The following MAMLD1 variants were observed in gnomAD, a reference collection of about 807,000 sequenced individuals.
The protein encoded by MAMLD1 is mastermind-like domain-containing protein 1.
Under a neutral mutation model 45.0 loss-of-function variants are expected in MAMLD1, and 14 were observed. The observed-to-expected ratio is 0.31, with a 90% confidence interval of 0.21 to 0.49. MAMLD1 has a LOEUF of 0.49. MAMLD1 is among the 20% of genes least tolerant of loss of function. MAMLD1 has a pLI of 0.99. For missense variants in MAMLD1, 543 were observed against 603.6 expected, an observed-to-expected ratio of 0.90 and a Z score of 1.05; for synonymous variants, 254 against 247.8, an observed-to-expected ratio of 1.02 and a Z score of -0.24.
At chrX:150,388,295 G>T (rs782216603) in intron 1 of MAMLD1, among the ~76,000 whole-genome samples, 3 of 111,821 alleles carry the variant, frequency 2.7e-5, no homozygotes, top group African/African-American at 9.7e-5. Context: ...TTCATGAGGG[G>T]TTTTGGTCTG....
At chrX:150,493,992 T>C (rs782439786) in intron 5 of MAMLD1, among the ~76,000 whole-genome samples, 16 of 112,061 alleles carry the variant, frequency 1.4e-4, no homozygotes, top group Non-Finnish European at 2.3e-4. Context: ...TGTAGAAATA[T>C]ATGTTTCACA....
At chrX:150,406,281 A>G (rs1226905280) in intron 1 of MAMLD1, among the ~76,000 whole-genome samples, 1 of 109,828 alleles carries the variant, frequency 9.1e-6, no homozygotes, top group East Asian at 2.9e-4. Flanking sequence ...CCTCACCCCC[A>G]TCACATAGCA....
chrX:150,417,523 C>T (rs1246715335), intron 1 of MAMLD1, among the ~76,000 whole-genome samples: 1 of 110,143 alleles, frequency 9.1e-6, no homozygotes, highest in African/African-American at 3.4e-5. Context: ...GGGCATATAC[C>T]CAGTAATGGG....
At chrX:150,371,691 G>A (rs1268251723) in intron 1 of MAMLD1, among the ~76,000 whole-genome samples, 3 of 112,063 alleles carry the variant, frequency 2.7e-5, no homozygotes, top group African/African-American at 9.7e-5. Context: ...ATTTTTTCCT[G>A]CATTTGAATC....
chrX:150,364,597 G>A (rs1336273438), intron 1 of MAMLD1, among the ~76,000 whole-genome samples: 1 of 112,085 alleles, frequency 8.9e-6, no homozygotes, highest in African/African-American at 3.2e-5. Flanking sequence ...CTTTTGCTGG[G>A]GTGGCTTGTC....
intron 5 of MAMLD1, among the ~76,000 whole-genome samples, chrX:150,496,038 A>C (rs918762998): frequency 1.8e-5 from 2 of 112,491 alleles, no homozygotes; most frequent in Non-Finnish European, 3.8e-5. Context: ...TTTTAATGAG[A>C]CTCTGGGAGG....
chrX:150,369,856 T>A (rs1034810068), intron 1 of MAMLD1, among the ~76,000 whole-genome samples: 41 of 109,541 alleles, frequency 3.7e-4, no homozygotes, highest in African/African-American at 1.3e-3. Context: ...TGTTTTTTTT[T>A]AAATCACATT....
chrX:150,442,835 G>T (rs782778974), intron 1 of MAMLD1, among the ~76,000 whole-genome samples: 13 of 111,384 alleles, frequency 1.2e-4, no homozygotes, highest in African/African-American at 4.2e-4. Flanking sequence ...TCTTTGTAGA[G>T]GCATATTGTT....
Position 150,471,471 on chromosome X carries a change from T to C in MAMLD1, c.1898T>C (p.Met633Thr). 8.3e-7 allele frequency: 1 copy of C among 1,210,386 alleles called. No homozygotes were observed. Among genetic ancestry groups the C allele is most frequent in the Non-Finnish European group, 1.1e-6 (1 of 893,964 alleles). The change falls in exon 4 of 8, where the codon ATG becomes ACG. Residue 633 changes from methionine (M) to threonine (T), a missense_variant. Met to Thr is a moderately conservative substitution (Grantham distance 81). Coordinates refer to ENST00000370401, the MANE Select transcript of MAMLD1 (RefSeq NM_005491.5). Reference protein sequence around the residue: ...RFQRSVASDSMPALPRQGCCH... With the variant: ...RFQRSVASDSTPALPRQGCCH... ...CAGCGATCAGTGGCCTCAGATTCCA[T>C]GCCTGCTCTGCCCAGACAGGTAAGA...
intron 1 of MAMLD1, among the ~76,000 whole-genome samples, chrX:150,401,608 G>T (rs191594722): frequency 4.5e-5 from 5 of 110,318 alleles, no homozygotes; most frequent in African/African-American, 9.9e-5. Flanking sequence ...AGCCTGCATC[G>T]CCAAGTCAAT....
chrX:150,423,544 C>T (rs1191359656), intron 1 of MAMLD1, among the ~76,000 whole-genome samples: 3 of 110,048 alleles, frequency 2.7e-5, no homozygotes, highest in African/African-American at 1.0e-4. Context: ...TGGGGATAAC[C>T]CCAAGCTTAA....
intron 1 of MAMLD1, among the ~76,000 whole-genome samples, chrX:150,399,257 G>T (rs1256047914): frequency 9.0e-6 from 1 of 111,483 alleles, no homozygotes; most frequent in Non-Finnish European, 1.9e-5. Context: ...ACGGTTGAGA[G>T]GCAGAATTAA....
chrX:150,404,720 G>C (rs1557402620), intron 1 of MAMLD1, among the ~76,000 whole-genome samples: 31 of 111,708 alleles, frequency 2.8e-4, no homozygotes, highest in Non-Finnish European at 4.5e-4. Flanking sequence ...GGCAACCACT[G>C]ATCTGTAGTT....
intron 3 of MAMLD1, among the ~76,000 whole-genome samples, chrX:150,466,685 T>C (rs1557405930): frequency 1.8e-5 from 2 of 112,279 alleles, no homozygotes; most frequent in Non-Finnish European, 3.8e-5. Flanking sequence ...AGAATTGGAA[T>C]TGATCAGGGA....
chrX:150,488,087 G>A (rs781880863), intron 5 of MAMLD1, among the ~76,000 whole-genome samples: 1 of 112,730 alleles, frequency 8.9e-6, no homozygotes, highest in Non-Finnish European at 1.9e-5. Context: ...CAGCTGGAGA[G>A]TCCCAGTGTC....
At chrX:150,369,228 G>T (rs1247301502) in intron 1 of MAMLD1, among the ~76,000 whole-genome samples, 1 of 110,144 alleles carries the variant, frequency 9.1e-6, no homozygotes, top group African/African-American at 3.3e-5. Context: ...TTGTGTTCTA[G>T]AAAGTTCTGC....
chrX:150,512,751 C>T lies in MAMLD1; in HGVS notation c.*792C>T, dbSNP rs1188951546. The T allele has an allele frequency of 1.1e-5, 13 of 1,153,496 alleles. No individual in the cohort carries two copies. The African/African-American group carries it at 1.4e-4, about 13-fold the overall frequency. ...ATCGAGCCACCAAGCTATGTGGCTG[C>T]TGCTGCCACCGCTGCTGCTGCTTCT... On this transcript the variant is annotated 3_prime_UTR_variant, in exon 8 of 8. Coordinates refer to ENST00000370401, the MANE Select transcript of MAMLD1 (RefSeq NM_005491.5).
chrX:150,488,393 A>G (rs2037065067), intron 5 of MAMLD1, among the ~76,000 whole-genome samples: 1 of 112,772 alleles, frequency 8.9e-6, no homozygotes, highest in Non-Finnish European at 1.9e-5. Flanking sequence ...TCCAAATAAC[A>G]GCCTGAGTCT....
chrX:150,513,108 G>A lies in MAMLD1; in HGVS notation c.*1149G>A. 2.7e-6 allele frequency: 3 copies of A among 1,101,440 alleles called. No homozygotes were observed. The highest frequency in any genetic ancestry group is 2.1e-5 in the South Asian group (1 of 47,634). The allele number at this position is 1,101,440 out of a possible 1,213,427, so 90.8% of individuals were successfully genotyped here. ...GGATGCCCATAGAAACCCCCATGGT[G>A]ACATCACTCTAGGAAGTGGTGTCGA... On this transcript the variant is annotated 3_prime_UTR_variant, in exon 8 of 8. Coordinates refer to ENST00000370401, the MANE Select transcript of MAMLD1 (RefSeq NM_005491.5).
Sources: allele counts gnomAD v4.1 joint callset (sites outside exome capture counted in the v4.1 genomes callset), GRCh38; gene constraint gnomAD v4.1.1; transcripts MANE v1.5; gene names NCBI Gene and HGNC (gene_info 2026-07-23, HGNC 2026-07-21).